GNL2: variants seen among roughly 807,000 people sequenced by gnomAD.
GNL2 encodes nucleolar GTP-binding protein 2.
Under a neutral mutation model 92.3 loss-of-function variants are expected in GNL2, and 51 were observed. That is an observed-to-expected ratio of 0.55 (90% CI 0.44 to 0.70). The LOEUF (loss-of-function observed/expected upper bound fraction) is 0.70. Among genes scored for constraint, GNL2 ranks in the 30% least tolerant of loss-of-function variants. The pLI, the probability that GNL2 is intolerant of heterozygous loss-of-function variation, is 0.00. For missense variants in GNL2, 844 were observed against 895.6 expected (o/e 0.94, Z 0.74); for synonymous variants, 283 against 300.6 (o/e 0.94, Z 0.61).
chr1:37,592,089 C>G (rs1255751817), intron 3 of GNL2, among the ~76,000 whole-genome samples: 1 of 152,128 alleles, frequency 6.6e-6, no homozygotes, highest in Non-Finnish European at 1.5e-5. Context: ...CCACCTGCCC[C>G]CAAGGACAGA....
At chr1:37,595,188 T>C (rs1643913887) in intron 1 of GNL2, among the ~76,000 whole-genome samples, 2 of 152,220 alleles carry the variant, frequency 1.3e-5, no homozygotes, top group South Asian at 4.1e-4. Context: ...TAAACCTGAA[T>C]GGAAGGAACT....
rs1643641532 is a variant in GNL2, at chr1:37,574,325, G to A, written c.1416+18C>T. ...TCAGGACCCATGCTCCCCAGAGGTG[G>A]GCCCACCCTGCTCTTACCTGGGGGG... On this transcript the variant is annotated intron_variant, in intron 12 of 15. Coordinates refer to ENST00000373062, the MANE Select transcript of GNL2 (RefSeq NM_013285.3). 1 of 1,557,848 alleles carries A rather than the reference G, an allele frequency of 6.4e-7. No homozygotes were observed. The highest frequency in any genetic ancestry group is 8.8e-7 in the Non-Finnish European group (1 of 1,130,616).
At position 37,593,809 on chromosome 1, in the gene GNL2, G is replaced by A. The variant is rs151067714; in HGVS notation, c.102C>T (p.Asp34=). 6.5e-4 allele frequency: 1,043 copies of A among 1,613,900 alleles called. 4 individuals are homozygous for A. Among genetic ancestry groups the A allele is most frequent in the Non-Finnish European group, 1.3e-4 (155 of 1,179,970 alleles). Residue 34 remains aspartate (D), a synonymous_variant, in exon 2 of 16, where the codon GAC becomes GAT. Transcript: ENST00000373062. The part of the protein sequence containing the change: ...VQGAGGQNMR[D]RATIRRLNMY... ...TATTCAGGCGCCGGATGGTGGCCCGGTCCCTCATGTTTTGGCCTCCTGCTC... is the reference window on the plus strand; with the variant it reads ...TATTCAGGCGCCGGATGGTGGCCCGATCCCTCATGTTTTGGCCTCCTGCTC...
At chr1:37,578,923 C>T (rs1046105394) in intron 8 of GNL2, among the ~76,000 whole-genome samples, 1 of 152,032 alleles carries the variant, frequency 6.6e-6, no homozygotes, top group Non-Finnish European at 1.5e-5. Context: ...ACTCTACTTG[C>T]GGGTCGAGGC....
chr1:37,585,113 G>GC (rs147294662), intron 5 of GNL2, among the ~76,000 whole-genome samples: 146,096 of 146,098 alleles, frequency 1, 73,047 homozygotes, highest in Middle Eastern at 1. Context: ...AGGCTGGAAT[G>GC]AGTGGTGCGA....
At chr1:37,581,821 T>C (rs1239932277) in intron 8 of GNL2, among the ~76,000 whole-genome samples, 1 of 151,888 alleles carries the variant, frequency 6.6e-6, no homozygotes, top group Non-Finnish European at 1.5e-5. Flanking sequence ...TGTGCCACCA[T>C]GCCTGGCCAA....
At chr1:37,581,434 T>C (rs1057467754) in intron 8 of GNL2, 2 of 455,980 alleles carry the variant, frequency 4.4e-6, no homozygotes, top group African/African-American at 4.0e-5. Context: ...AGCTTGAATT[T>C]TGGCAGGGCC....
intron 8 of GNL2, among the ~76,000 whole-genome samples, chr1:37,579,063 C>T (rs1643722898): frequency 1.3e-5 from 2 of 151,960 alleles, no homozygotes; most frequent in Non-Finnish European, 2.9e-5. Context: ...CACAAAAAAA[C>T]CCACAAAAAT....
In GNL2 at chr1:37,569,505, A is replaced by G. The variant is rs537663965; in HGVS notation, c.1417-203T>C. 255 of 546,704 alleles carry G rather than the reference A, an allele frequency of 4.7e-4. 1 individual carries two copies. The highest frequency in any genetic ancestry group is 5.1e-4 in the East Asian group (17 of 33,212). The allele number at this position is 546,704 out of a possible 1,614,324, so 33.9% of individuals were successfully genotyped here. A position where few individuals can be genotyped will look rare whatever the true frequency, so the allele number is the denominator to read the frequency against. On this transcript the variant is annotated intron_variant, in intron 12 of 15. Transcript: ENST00000373062. ...AGATCAGTACTAGGATCAAAGGAAT[A>G]CATGTGTAGTTCCACAGGATGAACC...
Position 37,568,872 on chromosome 1 carries a change from G to A in GNL2, c.1847C>T (p.Ala616Val). ...TTACCTGACTGCTGAAAACTTTTTG[G>A]CTTTGGCTTTGTCTAGAAACTTCTG... ...KYQKFLDKAKAKKFSAVRISK... is the reference protein window; with the variant it reads ...KYQKFLDKAKVKKFSAVRISK... Residue 616 changes from alanine (A) to valine (V), a missense_variant, in exon 13 of 16, where the codon GCC becomes GTC. Physicochemically the swap from Ala to Val is moderately conservative, Grantham distance 64. Coordinates refer to ENST00000373062, the MANE Select transcript of GNL2 (RefSeq NM_013285.3). 6.2e-7 allele frequency: 1 copy of A among 1,611,446 alleles called. No individual in the cohort carries two copies. Among genetic ancestry groups the A allele is most frequent in the Non-Finnish European group, 8.5e-7 (1 of 1,178,902 alleles).
At chr1:37,576,628 C>A in intron 8 of GNL2, 72 bp from the exon 9 acceptor site, 1 of 1,464,546 alleles carries the variant, frequency 6.8e-7, no homozygotes, top group Admixed American at 2.0e-5. Context: ...GGTTGTATTA[C>A]TTTGTTAATA....
chr1:37,593,671 T>TG, intron 2 of GNL2, 91 bp downstream of exon 2: 2 of 789,630 alleles, frequency 2.5e-6, no homozygotes, highest in Non-Finnish European at 4.3e-6. Flanking sequence ...TTGGAGGAAG[T>TG]GGGGGTGAGA....
intron 8 of GNL2, among the ~76,000 whole-genome samples, chr1:37,577,801 G>A (rs563763540): frequency 1.8e-4 from 27 of 152,290 alleles, no homozygotes; most frequent in African/African-American, 6.5e-4. Context: ...CTCATTCAGG[G>A]TGGGCACACA....
chr1:37,593,996 A>G (rs1643905850), intron 1 of GNL2, 150 bp from the exon 2 acceptor site: 3 of 578,000 alleles, frequency 5.2e-6, no homozygotes, highest in South Asian at 2.2e-5. Context: ...TGTTGCTCCA[A>G]TAATTAGTAC....
At chr1:37,583,102 C>T (rs1643798574) in intron 6 of GNL2, 166 bp from the exon 7 acceptor site, 2 of 436,952 alleles carry the variant, frequency 4.6e-6, no homozygotes, top group South Asian at 6.1e-5. Context: ...GATCAGAATT[C>T]AAAAGGTTTT....
intron 15 of GNL2, 61 bp from the exon 16 acceptor site, chr1:37,567,068 CA>C: frequency 1.3e-6 from 2 of 1,535,474 alleles, no homozygotes; most frequent in Non-Finnish European, 1.8e-6. Flanking sequence ...AAGTCATTCA[CA>C]AAACAGGAGT....
Position 37,575,583 on chromosome 1 carries a change from C to G in GNL2, c.1143+12G>C, listed in dbSNP as rs1171307915. On this transcript the variant is annotated intron_variant, in intron 10 of 15. Transcript: ENST00000373062. The surrounding 1 kb of genome is among the most constrained non-coding windows in gnomAD (Gnocchi z 4.1). ...CGCAAACACAAACAGCCTATCAGGGCCAAATACTCACAACTCCTTTTAGCA... is the reference window on the plus strand; with the variant it reads ...CGCAAACACAAACAGCCTATCAGGGGCAAATACTCACAACTCCTTTTAGCA... 1 of 1,516,634 alleles carries G rather than the reference C, an allele frequency of 6.6e-7. No individual in the cohort carries two copies. Among genetic ancestry groups the G allele is most frequent in the Admixed American group, 2.0e-5 (1 of 48,920 alleles). The allele number at this position is 1,516,634 out of a possible 1,614,324, so 93.9% of individuals were successfully genotyped here.
Position 37,590,768 on chromosome 1 carries a change from T to G in GNL2, c.322A>C (p.Lys108Gln). The G allele has an allele frequency of 6.2e-7, 1 of 1,611,196 alleles. No individual in the cohort carries two copies. The highest frequency in any genetic ancestry group is 8.5e-7 in the Non-Finnish European group (1 of 1,177,354). The change falls in exon 4 of 16, where the codon AAA (lysine) becomes CAA (glutamine). Residue 108 changes from lysine (K) to glutamine (Q), a missense_variant. Physicochemically the swap from Lys to Gln is moderately conservative, Grantham distance 53. Transcript: ENST00000373062. ...AACTTGCTTTGCTTCATGACAACTT[T>G]GTATGGATCCTTCATAACTGTATCC... ...EMDTVMKDPYKVVMKQSKLPM... is the reference protein window; with the variant it reads ...EMDTVMKDPYQVVMKQSKLPM...
chr1:37,571,675 TC>T (rs994558853), intron 12 of GNL2, among the ~76,000 whole-genome samples: 2 of 152,224 alleles, frequency 1.3e-5, no homozygotes, highest in Non-Finnish European at 2.9e-5. Flanking sequence ...TAAACTTCTT[TC>T]TCTGCTGCAA....
Sources: gnomAD v4.1 joint callset for allele counts (sites outside exome capture counted in the v4.1 genomes callset) on GRCh38, gnomAD v4.1.1 for gene constraint, Gnocchi (gnomAD v3.1) non-coding constraint, MANE v1.5 for transcripts, NCBI Gene and HGNC (gene_info 2026-07-23, HGNC 2026-07-21) for gene names.